Variants in JPH2 observed in about 807,000 individuals in gnomAD.
The protein encoded by JPH2 is junctophilin 2.
In JPH2, 38 loss-of-function variants were observed where a neutral mutation model predicts 55.9. The observed-to-expected ratio is 0.68, with a 90% CI of 0.52 to 0.89. The LOEUF is 0.89. Among genes scored for constraint, JPH2 ranks in the 40% least tolerant of loss-of-function variants. The pLI, the probability that JPH2 is intolerant of heterozygous loss-of-function variation, is 0.00. For missense variants in JPH2, 964 were observed against 1,037.6 expected (o/e 0.93, Z 0.97); for synonymous variants, 480 against 472.4 (o/e 1.02, Z -0.21).
chr20:44,144,243 G>A (rs1188331185), intron 2 of JPH2, among the ~76,000 whole-genome samples: 2 of 152,150 alleles, frequency 1.3e-5, no homozygotes, highest in African/African-American at 4.8e-5. Context: ...GAGGAGAGAA[G>A]CGGCATTTGG....
intron 2 of JPH2, among the ~76,000 whole-genome samples, chr20:44,127,578 C>T (rs868066713): frequency 4.0e-5 from 6 of 151,836 alleles, no homozygotes; most frequent in African/African-American, 7.3e-5. Flanking sequence ...CTCTGCCTCC[C>T]GGGTACAAGT....
At position 44,160,061 on chromosome 20, in the gene JPH2, C is replaced by T. The variant is rs1233266237; in HGVS notation, c.726G>A (p.Gln242=). 5.8e-6 allele frequency: 9 copies of T among 1,542,786 alleles called. No homozygotes were observed. The highest frequency in any genetic ancestry group is 1.4e-5 in the African/African-American group (1 of 73,426). Residue 242 remains glutamine, a synonymous_variant, in exon 2 of 6, where the codon CAG becomes CAA. Transcript: ENST00000372980. This position sits in a 1 kb window ranked among gnomAD's most constrained non-coding sequence, Gnocchi z 4.9. ...TCTTAAGGAAGCTGACACGGCTGCGCTGGCTACCCACGGACGTGCGCGACT... is the reference window on the plus strand; with the variant it reads ...TCTTAAGGAAGCTGACACGGCTGCGTTGGCTACCCACGGACGTGCGCGACT... The part of the protein sequence containing the change: ...RAESRTSVGS[Q]RSRVSFLKSD...
intron 2 of JPH2, among the ~76,000 whole-genome samples, chr20:44,119,280 TATA>T (rs2072217729): frequency 6.6e-6 from 1 of 152,230 alleles, no homozygotes; most frequent in Non-Finnish European, 1.5e-5. Context: ...AATTACAACA[TATA>T]ATATGACATG....
chr20:44,144,793 G>T (rs2072481995), intron 2 of JPH2, among the ~76,000 whole-genome samples: 1 of 152,238 alleles, frequency 6.6e-6, no homozygotes, highest in Non-Finnish European at 1.5e-5. Flanking sequence ...AGGTTTACAT[G>T]AAATGAGACA....
At chr20:44,153,089 G>A (rs2072542697) in intron 2 of JPH2, among the ~76,000 whole-genome samples, 1 of 152,170 alleles carries the variant, frequency 6.6e-6, no homozygotes, top group Non-Finnish European at 1.5e-5. Flanking sequence ...ACTGGGACTG[G>A]GGCCTGCAGA....
chr20:44,124,387 G>A (rs933885642), intron 2 of JPH2, among the ~76,000 whole-genome samples: 5 of 152,088 alleles, frequency 3.3e-5, no homozygotes, highest in Non-Finnish European at 5.9e-5. Flanking sequence ...CCGCGATCCT[G>A]GCCTTAAAGA....
At position 44,107,391 on chromosome 20, in the gene JPH2, G is replaced by A. The variant is rs1183667344; in HGVS notation, c.*6127C>T. On this transcript the variant is annotated 3_prime_UTR_variant, in exon 6 of 6. Transcript: ENST00000372980. The stretch of plus-strand genomic sequence containing the variant: ...TTCTCCCTGAGGACACATGTAGTCC[G>A]TATTTCCCAGCCTCCCTTGAAGCTA... Among the ~76,000 whole-genome samples, 5 of 152,174 alleles carry A rather than the reference G, an allele frequency of 3.3e-5. No homozygotes were observed. Among genetic ancestry groups the A allele is most frequent in the Admixed American group, 6.5e-5 (1 of 15,276 alleles).
rs45602132 is a variant in JPH2, at chr20:44,113,053, C to T, written c.*465G>A. ...TCTCAACACCCACCCCACCCAGCTT[C>T]CCTGGGAGGCCTCAGCCCACAGCCA... On this transcript the variant is annotated 3_prime_UTR_variant, in exon 6 of 6. Transcript: ENST00000372980. 16,436 of 152,304 alleles carry T rather than the reference C, an allele frequency of 0.11. 1,140 individuals carry two copies. Among genetic ancestry groups the T allele is most frequent in the African/African-American group, 0.21 (8,535 of 41,476 alleles). The allele number at this position is 152,304 out of a possible 1,614,324, so 9.4% of individuals were successfully genotyped here.
At position 44,116,343 on chromosome 20, in the gene JPH2, C is replaced by G; in HGVS notation, c.1332G>C (p.Glu444Asp). The G allele has an allele frequency of 6.5e-7, 1 of 1,547,156 alleles. No homozygotes were observed. Among genetic ancestry groups the G allele is most frequent in the Non-Finnish European group, 8.7e-7 (1 of 1,146,662 alleles). Residue 444 changes from glutamate (E) to aspartate (D), a missense_variant, in exon 4 of 6, where the codon GAG becomes GAC. Transcript: ENST00000372980. Reference sequence around the variant, plus strand: ...GGGGCTCCAGCAGGCTCTCCGAGTTCTCCAGGATCTCCTGCAGCAGCCGGC... The same window carrying G: ...GGGGCTCCAGCAGGCTCTCCGAGTTGTCCAGGATCTCCTGCAGCAGCCGGC... ...QKRRLLQEIL[E>D]NSESLLEPPD...
chr20:44,160,555 T>A lies in JPH2; in HGVS notation c.380-148A>T. On this transcript the variant is annotated intron_variant, in intron 1 of 5. Transcript: ENST00000372980. This position sits in a 1 kb window ranked among gnomAD's most constrained non-coding sequence, Gnocchi z 4.9. ...CTGAGGGTCAGGGTGCACAGTGCTA[T>A]GAGTGTTTGAGTCTACTCGAGTGTG... 1.3e-6 allele frequency: 1 copy of A among 781,232 alleles called. No individual in the cohort carries two copies. Among genetic ancestry groups the A allele is most frequent in the South Asian group, 1.5e-5 (1 of 66,628 alleles). The allele number at this position is 781,232 out of a possible 1,614,324, so 48.4% of individuals were successfully genotyped here. A position where few individuals can be genotyped will look rare whatever the true frequency, so the allele number is the denominator to read the frequency against.
At chr20:44,124,134 G>A (rs2072259544) in intron 2 of JPH2, among the ~76,000 whole-genome samples, 1 of 152,088 alleles carries the variant, frequency 6.6e-6, no homozygotes, top group Admixed American at 6.5e-5. Context: ...AAATAAGGCT[G>A]GTGTTTCTGG....
chr20:44,145,354 CA>C (rs1284156273), intron 2 of JPH2, among the ~76,000 whole-genome samples: 1 of 152,132 alleles, frequency 6.6e-6, no homozygotes, highest in Non-Finnish European at 1.5e-5. Flanking sequence ...GCTGTAATCC[CA>C]ACACTTTGGG....
intron 2 of JPH2, among the ~76,000 whole-genome samples, chr20:44,142,348 T>C (rs1006684009): frequency 2.6e-5 from 4 of 152,194 alleles, no homozygotes; most frequent in African/African-American, 7.2e-5. Flanking sequence ...AGGTTGCTAG[T>C]GGCTCCCAGA....
chr20:44,182,422 C>A (rs2072792351), intron 1 of JPH2, among the ~76,000 whole-genome samples: 1 of 152,196 alleles, frequency 6.6e-6, no homozygotes, highest in African/African-American at 2.4e-5. Flanking sequence ...GTCTGGGGCT[C>A]TGACAAACCA....
At chr20:44,150,374 GA>G (rs1569205084) in intron 2 of JPH2, among the ~76,000 whole-genome samples, 1 of 152,206 alleles carries the variant, frequency 6.6e-6, no homozygotes, top group Non-Finnish European at 1.5e-5. Context: ...AAGCATCACT[GA>G]AAAAAGTTAA....
At chr20:44,149,770 G>C (rs916224245) in intron 2 of JPH2, among the ~76,000 whole-genome samples, 3 of 152,172 alleles carry the variant, frequency 2.0e-5, no homozygotes, top group Non-Finnish European at 4.4e-5. Context: ...TCGAGGTCAG[G>C]AGTTTGAGAC....
chr20:44,185,345 C>T lies in JPH2; in HGVS notation c.379+982G>A, dbSNP rs145577964. On this transcript the variant is annotated intron_variant, in intron 1 of 5. Coordinates refer to ENST00000372980, the MANE Select transcript of JPH2 (RefSeq NM_020433.5). ...AAGGAAACACAAAAGGAATGTAGGCCCGGCACAGTGTCCCACACCTGTAAT... is the reference window on the plus strand; with the variant it reads ...AAGGAAACACAAAAGGAATGTAGGCTCGGCACAGTGTCCCACACCTGTAAT... Among the ~76,000 whole-genome samples the T allele has an allele frequency of 3.4e-3, 510 of 151,916 alleles. 11 individuals carry two copies. The East Asian group carries it at 0.047, about 14-fold the overall frequency.
chr20:44,115,755 A>G lies in JPH2; in HGVS notation c.1920T>C (p.Thr640=). 6.2e-7 allele frequency: 1 copy of G among 1,612,912 alleles called. No homozygotes were observed. Residue 640 remains threonine, a synonymous_variant, in exon 4 of 6, where the codon ACT becomes ACC. Coordinates refer to ENST00000372980, the MANE Select transcript of JPH2 (RefSeq NM_020433.5). The stretch of plus-strand genomic sequence containing the variant: ...CCGCCTTGGTCAGCCCTCGAGCCTC[A>G]GTCTTGCGGGCCTTGGCCCTGGGCT... The part of the protein sequence containing the change: ...KAEPRAKARK[T]EARGLTKAGA...
In JPH2 at chr20:44,133,992, TA is replaced by T. The variant is rs1263447076; in HGVS notation, c.1170-15370del. On this transcript the variant is annotated intron_variant, in intron 2 of 5. Transcript: ENST00000372980. Reference sequence around the variant, plus strand: ...TATAATATATAAATATATATTATTATAAATATATATAAATATATATATTATA... The same window carrying T: ...TATAATATATAAATATATATTATTATAATATATATAAATATATATATTATA... 3.8e-3 allele frequency among the ~76,000 whole-genome samples: 122 copies of T among 31,896 alleles called. 47 individuals are homozygous for T. The highest frequency in any genetic ancestry group is 0.015 in the African/African-American group (110 of 7,448). 20.9% of individuals were successfully genotyped at this position (31,896 alleles called of 152,430 possible). A position where few individuals can be genotyped will look rare whatever the true frequency, so the allele number is the denominator to read the frequency against.
Sources: allele counts gnomAD v4.1 joint callset (sites outside exome capture counted in the v4.1 genomes callset), GRCh38; gene constraint gnomAD v4.1.1; non-coding constraint Gnocchi (gnomAD v3.1); transcripts MANE v1.5; gene names NCBI Gene and HGNC (gene_info 2026-07-23, HGNC 2026-07-21).